The following CLUH variants were observed in gnomAD, a reference collection of about 807,000 sequenced individuals.
CLUH encodes CLUH binding protein of NUMT mRNA.
A neutral mutation model predicts 139.3 loss-of-function variants in CLUH; 77 were observed. That is an observed-to-expected ratio of 0.55 (90% CI 0.46 to 0.67). CLUH has a LOEUF of 0.67. Ranked by LOEUF, CLUH falls within the 30% of genes least tolerant of loss-of-function variation. The probability of loss-of-function intolerance (pLI) is 0.00; values close to 1 mark genes in which losing one functional copy is unlikely to be tolerated. For synonymous variants in CLUH, 999 were observed against 801.6 expected, an observed-to-expected ratio of 1.25 and a Z score of -4.16; for missense variants, 1,876 against 1,875.8, an observed-to-expected ratio of 1.00 and a Z score of 0.00.
chr17:2,711,471 G>C, intron 1 of CLUH, 91 bp downstream of exon 1: 1 of 313,442 alleles, frequency 3.2e-6, no homozygotes, highest in Non-Finnish European at 4.6e-6. Flanking sequence ...CCGACGCGGA[G>C]GGAAGGCGGC....
At chr17:2,700,581 GAAGTC>G in intron 8 of CLUH, 92 bp downstream of exon 8, 8 of 1,535,182 alleles carry the variant, frequency 5.2e-6, no homozygotes, top group Non-Finnish European at 7.0e-6. Flanking sequence ...ACTCCCAAAT[GAAGTC>G]AAGCATGGGG....
At chr17:2,699,970 C>T (rs2070115290) in intron 9 of CLUH, among the ~76,000 whole-genome samples, 1 of 152,176 alleles carries the variant, frequency 6.6e-6, no homozygotes, top group South Asian at 2.1e-4. Context: ...TTCCTCATTT[C>T]TCTTAGTAAC....
intron 16 of CLUH, 116 bp downstream of exon 16, chr17:2,694,741 T>C: frequency 7.1e-7 from 1 of 1,399,952 alleles, no homozygotes; most frequent in Non-Finnish European, 9.5e-7. Flanking sequence ...AGCTGCTCCC[T>C]CTTCTCTCTG....
Position 2,701,992 on chromosome 17 carries a change from C to G in CLUH, c.541G>C (p.Asp181His), listed in dbSNP as rs1276282162. Residue 181 changes from aspartate (D) to histidine (H), a missense_variant, in exon 4 of 26, where the codon GAC becomes CAC. Asp to His is a moderately conservative substitution (Grantham distance 81). This residue lies in a region of CLUH where 270 missense variants were observed against 354.7 expected (regional missense o/e 0.76). Coordinates refer to ENST00000651024, the MANE Select transcript of CLUH (RefSeq NM_001366661.1). ...RHVRDLLKSL[D>H]PSDAFNGVDC... ...ACCCCGTTGAAGGCATCGGATGGGT[C>G]CAGGCTCTTGAGCAGGTCTCGGACA... The G allele has an allele frequency of 6.2e-7, 1 of 1,613,990 alleles. No homozygotes were observed. The highest frequency in any genetic ancestry group is 1.1e-5 in the South Asian group (1 of 91,070).
Position 2,711,616 on chromosome 17 carries a change from T to G in CLUH, c.46A>C (p.Ser16Arg). The change falls in exon 1 of 26, where the codon AGC becomes CGC. Residue 16 changes from serine to arginine, a missense_variant. By Grantham distance (110) the Ser-to-Arg change is moderately radical. This residue lies in a region of CLUH where 152 missense variants were observed against 136.7 expected (regional missense o/e 1.11). Transcript: ENST00000651024. ...GCCTGCGAGCCGTGTTCCCGGGCGCTGTCGGCCGGGGCGGCCGCCGGCAAC... is the reference window on the plus strand; with the variant it reads ...GCCTGCGAGCCGTGTTCCCGGGCGCGGTCGGCCGGGGCGGCCGCCGGCAAC... ...DELPAAAPAD[S>R]AREHGSQAGG... 1 of 983,216 alleles carries G rather than the reference T, an allele frequency of 1.0e-6. No homozygotes were observed. Among genetic ancestry groups the G allele is most frequent in the South Asian group, 4.7e-5 (1 of 21,238 alleles). 60.9% of individuals were successfully genotyped at this position (983,216 alleles called of 1,614,324 possible).
intron 17 of CLUH, 40 bp downstream of exon 17, chr17:2,694,435 GGGACA>G: frequency 2.6e-5 from 2 of 77,574 alleles, no homozygotes; most frequent in Non-Finnish European, 3.3e-5. Flanking sequence ...GGACGCAGCG[GGGACA>G]CAGCGGGGAC....
Position 2,696,196 on chromosome 17 carries a change from G to A in CLUH, c.2354C>T (p.Ala785Val), listed in dbSNP as rs1032419736. 5.1e-6 allele frequency: 8 copies of A among 1,572,574 alleles called. No homozygotes were observed. In the African/African-American group the frequency reaches 8.1e-5, roughly 16 times the overall value. The change falls in exon 13 of 26, where the codon GCG (alanine) becomes GTG (valine). Residue 785 changes from alanine to valine, a missense_variant. Transcript: ENST00000651024. The stretch of plus-strand genomic sequence containing the variant: ...CTGGCAGGAGAGCAGGAAGGCAGCC[G>A]CGTCCTTCAGCAGCTGCTTCTGGTC... ...VRDQKQLLKD[A>V]AAFLLSCQIP...
chr17:2,690,270 T>G lies in CLUH; in HGVS notation c.*324A>C. 2 of 316,282 alleles carry G rather than the reference T, an allele frequency of 6.3e-6. No individual in the cohort carries two copies. The highest frequency in any genetic ancestry group is 5.2e-5 in the East Asian group (1 of 19,194). 19.6% of individuals were successfully genotyped at this position (316,282 alleles called of 1,614,324 possible). On this transcript the variant is annotated 3_prime_UTR_variant, in exon 26 of 26. Coordinates refer to ENST00000651024, the MANE Select transcript of CLUH (RefSeq NM_001366661.1). ...TACAGGGGAGAGGAACGGTCAACACTCACAGCCAGGGGCGCACTCGCACAC... is the reference window on the plus strand; with the variant it reads ...TACAGGGGAGAGGAACGGTCAACACGCACAGCCAGGGGCGCACTCGCACAC...
chr17:2,704,748 C>T lies in CLUH; in HGVS notation c.101-184G>A, dbSNP rs1163595809. The stretch of plus-strand genomic sequence containing the variant: ...GCCACTTCCACACCCAGCCGCCCCT[C>T]CCAGCCACTGTTCCCTGGCCCACTG... On this transcript the variant is annotated intron_variant, in intron 1 of 25. Coordinates refer to ENST00000651024, the MANE Select transcript of CLUH (RefSeq NM_001366661.1). The surrounding 1 kb of genome is among the most constrained non-coding windows in gnomAD (Gnocchi z 5.7). Among the ~76,000 whole-genome samples, 1 of 152,142 alleles carries T rather than the reference C, an allele frequency of 6.6e-6. No homozygotes were observed. The highest frequency in any genetic ancestry group is 1.5e-5 in the Non-Finnish European group (1 of 68,024).
rs766412373 is a variant in CLUH, at chr17:2,691,968, CCCCG to C, written c.3654+32_3654+35del. The C allele has an allele frequency of 4.2e-3, 2,992 of 711,036 alleles. 101 individuals are homozygous for C. Among genetic ancestry groups the C allele is most frequent in the East Asian group, 0.037 (534 of 14,390 alleles). The allele number at this position is 711,036 out of a possible 1,614,324, so 44.0% of individuals were successfully genotyped here. A position where few individuals can be genotyped will look rare whatever the true frequency, so the allele number is the denominator to read the frequency against. On this transcript the variant is annotated intron_variant, in intron 23 of 25. Transcript: ENST00000651024. ...CCGCCCCCGCCCCGCCACGCCCCCG[CCCCG>C]CCCCCGCCCCCGCCACGCCCCCGCC... is the stretch of plus-strand genomic sequence containing the variant.
chr17:2,694,822 T>TACCCCCCCCCCCCCCCCCCCCGCCC, intron 16 of CLUH, 35 bp downstream of exon 16: 3 of 1,346,332 alleles, frequency 2.2e-6, no homozygotes, highest in African/African-American at 1.5e-5. Flanking sequence ...ATCTGCCCAA[T>TACCCCCCCCCCCCCCCCCCCCGCCC]CCCACCCACC....
rs889015605 is a variant in CLUH at position 2,692,643 on chromosome 17, G to A, written c.3366C>T (p.Ser1122=). The change falls in exon 21 of 26, where the codon AGC becomes AGT. Residue 1122 remains serine, a synonymous_variant. Transcript: ENST00000651024. The part of the protein sequence containing the change: ...FASSQLSTAL[S]LLYRARYLML... ...TGAGGTAGCGGGCGCGGTACAGCAG[G>A]CTCAGGGCGGTGGACAGCTGGCTGC... 3.7e-6 allele frequency: 6 copies of A among 1,612,756 alleles called. No individual in the cohort carries two copies. Among genetic ancestry groups the A allele is most frequent in the South Asian group, 1.1e-5 (1 of 91,054 alleles).
chr17:2,709,550 G>A (rs897920475), intron 1 of CLUH, among the ~76,000 whole-genome samples: 4 of 152,178 alleles, frequency 2.6e-5, no homozygotes, highest in African/African-American at 9.6e-5. Flanking sequence ...CAACTCCAGG[G>A]AGCCCTCCCC....
At position 2,706,525 on chromosome 17, in the gene CLUH, G is replaced by A. The variant is rs2070354631; in HGVS notation, c.101-1961C>T. Among the ~76,000 whole-genome samples the A allele has an allele frequency of 6.6e-6, 1 of 152,098 alleles. No homozygotes were observed. The highest frequency in any genetic ancestry group is 2.4e-5 in the African/African-American group (1 of 41,404). ...TCTCCACCCCACCCTCTCCAAGCCT[G>A]CAGTGGACTCCCAGGAACCACGAGG... On this transcript the variant is annotated intron_variant, in intron 1 of 25. Coordinates refer to ENST00000651024, the MANE Select transcript of CLUH (RefSeq NM_001366661.1). This position sits in a 1 kb window ranked among gnomAD's most constrained non-coding sequence, Gnocchi z 4.6.
At chr17:2,691,954 C>T in intron 23 of CLUH, 50 bp downstream of exon 23, 1 of 1,149,146 alleles carries the variant, frequency 8.7e-7, no homozygotes. Flanking sequence ...CGCCCCCGCC[C>T]CGCCACGCCC....
intron 7 of CLUH, 81 bp downstream of exon 7, chr17:2,701,059 A>C: frequency 6.2e-7 from 1 of 1,603,512 alleles, no homozygotes; most frequent in Non-Finnish European, 8.5e-7. Flanking sequence ...CTTCAGACAG[A>C]AGCACTGGAG....
chr17:2,692,299 G>GC (rs2069723084), intron 22 of CLUH, 62 bp downstream of exon 22: 4 of 1,477,242 alleles, frequency 2.7e-6, no homozygotes, highest in Non-Finnish European at 3.6e-6. Flanking sequence ...TCTCTTCCCC[G>GC]CCCCCGCCGG....
chr17:2,696,124 A>C (rs571159376), intron 13 of CLUH, 35 bp downstream of exon 13: 1 of 1,504,584 alleles, frequency 6.6e-7, no homozygotes, highest in Non-Finnish European at 9.0e-7. Flanking sequence ...CACCCTCCAC[A>C]CAAGCCCCAC....
chr17:2,693,781 G>C, intron 19 of CLUH, 119 bp downstream of exon 19: 1 of 1,313,166 alleles, frequency 7.6e-7, no homozygotes, highest in East Asian at 2.5e-5. Flanking sequence ...GGTGGCCTGG[G>C]CAGAACCAGC....
Sources: gnomAD v4.1 joint callset for allele counts (sites outside exome capture counted in the v4.1 genomes callset) on GRCh38, gnomAD v4.1.1 for gene constraint, gnomAD v4.1.1 regional missense constraint, Gnocchi (gnomAD v3.1) non-coding constraint, MANE v1.5 for transcripts, NCBI Gene and HGNC (gene_info 2026-07-23, HGNC 2026-07-21) for gene names.